Variants in PTGES3 observed in about 807,000 individuals in gnomAD.
The protein encoded by PTGES3 is prostaglandin E synthase 3.
PTGES3 carries 5 observed loss-of-function variants against 29.9 expected under a neutral mutation model. The observed-to-expected ratio is 0.17, with a 90% confidence interval of 0.09 to 0.35. PTGES3 has a LOEUF of 0.35. PTGES3 is among the 10% of genes least tolerant of loss of function. The pLI is 1.00. For synonymous variants in PTGES3, 49 were observed against 57.8 expected (o/e 0.85, Z 0.69); for missense variants, 128 against 190.0 (o/e 0.67, Z 1.92).
chr12:56,682,887 G>A (rs1235527020), intron 1 of PTGES3, among the ~76,000 whole-genome samples: 1 of 151,996 alleles, frequency 6.6e-6, no homozygotes, highest in Non-Finnish European at 1.5e-5. Context: ...CCAGCTACTT[G>A]GGAGTCTGAG....
intron 1 of PTGES3, among the ~76,000 whole-genome samples, chr12:56,680,398 T>TG (rs1565874014): frequency 2.9e-4 from 44 of 151,584 alleles, no homozygotes; most frequent in East Asian, 1.2e-3. Flanking sequence ...TTTTTTTTTT[T>TG]TGGGGGGACA....
chr12:56,668,387 TAAC>T (rs994037155), intron 5 of PTGES3, among the ~76,000 whole-genome samples: 8 of 152,094 alleles, frequency 5.3e-5, no homozygotes, highest in Admixed American at 1.3e-4. Context: ...ATGTAAGAGA[TAAC>T]AACAAAAACT....
At chr12:56,684,112 GT>G (rs1952713484) in intron 1 of PTGES3, among the ~76,000 whole-genome samples, 1 of 152,096 alleles carries the variant, frequency 6.6e-6, no homozygotes. Context: ...GATCTTAGGT[GT>G]TTAACAGCGA....
intron 3 of PTGES3, among the ~76,000 whole-genome samples, chr12:56,672,453 C>A (rs1054790845): frequency 3.3e-5 from 5 of 152,176 alleles, no homozygotes; most frequent in African/African-American, 1.2e-4. Context: ...GGGATCGCTC[C>A]ATTGTACTGC....
In PTGES3 at chr12:56,685,381, G is replaced by A. The variant is rs768386483; in HGVS notation, c.2+2617C>T. 1.0e-3 allele frequency among the ~76,000 whole-genome samples: 151 copies of A among 145,472 alleles called. 1 individual carries two copies. The highest frequency in any genetic ancestry group is 1.6e-3 in the Non-Finnish European group (108 of 67,332). On this transcript the variant is annotated intron_variant, in intron 1 of 7. Coordinates refer to ENST00000262033, the MANE Select transcript of PTGES3 (RefSeq NM_006601.7). ...GTGGCATTGAATCACTCGTTTTGAA[G>A]GTAGCATTTTTTCTTTTCTTTTTTT... is the stretch of plus-strand genomic sequence containing the variant.
At chr12:56,681,119 G>C (rs1952516836) in intron 1 of PTGES3, among the ~76,000 whole-genome samples, 1 of 151,714 alleles carries the variant, frequency 6.6e-6, no homozygotes, top group African/African-American at 2.4e-5. Flanking sequence ...CAGAGTTTTT[G>C]CTCTTGTTGT....
chr12:56,666,601 ATCTT>A (rs1182274317), intron 5 of PTGES3, among the ~76,000 whole-genome samples: 2 of 152,120 alleles, frequency 1.3e-5, no homozygotes, highest in African/African-American at 4.8e-5. Flanking sequence ...ACAGCTATCT[ATCTT>A]AAGTTAGGTG....
intron 1 of PTGES3, among the ~76,000 whole-genome samples, chr12:56,676,114 T>G (rs1952228513): frequency 1.4e-5 from 2 of 142,656 alleles, no homozygotes; most frequent in Admixed American, 1.4e-4. Flanking sequence ...TAATACCAGC[T>G]ATTTGGGAGG....
chr12:56,679,092 G>A (rs187500418), intron 1 of PTGES3, among the ~76,000 whole-genome samples: 159 of 152,214 alleles, frequency 1.0e-3, no homozygotes, highest in African/African-American at 3.5e-3. Flanking sequence ...ACTCCAGCCT[G>A]GGCCACATAG....
chr12:56,666,085 T>C (rs1219729548), intron 6 of PTGES3, 119 bp downstream of exon 6: 2 of 1,403,824 alleles, frequency 1.4e-6, no homozygotes, highest in Non-Finnish European at 1.9e-6. Context: ...CTTTTCCCTT[T>C]TCTTTTTTTT....
At chr12:56,677,296 AC>A in intron 1 of PTGES3, among the ~76,000 whole-genome samples, 1 of 152,180 alleles carries the variant, frequency 6.6e-6, no homozygotes, top group Admixed American at 6.6e-5. Flanking sequence ...ATTACCTTGA[AC>A]AGCTTTCACC....
At chr12:56,676,955 G>A (rs1438049904) in intron 1 of PTGES3, among the ~76,000 whole-genome samples, 3 of 142,848 alleles carry the variant, frequency 2.1e-5, no homozygotes, top group African/African-American at 5.3e-5. Flanking sequence ...AATAGTGCTG[G>A]CTAAGTGCGG....
At chr12:56,687,569 G>T in intron 1 of PTGES3, 1 of 1,031,018 alleles carries the variant, frequency 9.7e-7, no homozygotes, top group Non-Finnish European at 1.2e-6. Flanking sequence ...ACCCACCACA[G>T]GTGCACTCGA....
intron 1 of PTGES3, among the ~76,000 whole-genome samples, chr12:56,678,403 C>T (rs1470131151): frequency 6.6e-6 from 1 of 152,126 alleles, no homozygotes; most frequent in East Asian, 1.9e-4. Flanking sequence ...TCTCGAACTC[C>T]TGACCTCAGG....
intron 7 of PTGES3, 40 bp downstream of exon 7, chr12:56,664,736 A>G (rs370211076): frequency 6.4e-7 from 1 of 1,564,870 alleles, no homozygotes; most frequent in South Asian, 1.2e-5. Flanking sequence ...TTTTTGATGC[A>G]AAGTATCACT....
intron 1 of PTGES3, among the ~76,000 whole-genome samples, chr12:56,680,813 T>C (rs572510179): frequency 6.6e-6 from 1 of 151,980 alleles, no homozygotes; most frequent in African/African-American, 2.4e-5. Context: ...AGTTCTTGCT[T>C]TGTCATTCAG....
At chr12:56,686,969 A>G (rs1952893701) in intron 1 of PTGES3, 1 of 214,354 alleles carries the variant, frequency 4.7e-6, no homozygotes, top group African/African-American at 2.5e-5. Flanking sequence ...CATACCTTTT[A>G]GGACGTAGTT....
chr12:56,680,781 GTTT>G (rs11302495), intron 1 of PTGES3, among the ~76,000 whole-genome samples: 1 of 141,824 alleles, frequency 7.1e-6, no homozygotes, highest in African/African-American at 2.6e-5. Flanking sequence ...TTTTTTAAAA[GTTT>G]TTTTTTTTTT....
chr12:56,674,122 G>T (rs1238680435), intron 1 of PTGES3, among the ~76,000 whole-genome samples: 2 of 152,134 alleles, frequency 1.3e-5, no homozygotes, highest in Non-Finnish European at 2.9e-5. Flanking sequence ...CTAACCCCCA[G>T]TACATCTTAA....
Sources: allele counts gnomAD v4.1 joint callset (sites outside exome capture counted in the v4.1 genomes callset), GRCh38; gene constraint gnomAD v4.1.1; transcripts MANE v1.5; gene names NCBI Gene and HGNC (gene_info 2026-07-23, HGNC 2026-07-21).